The following ZNF181 variants were observed in gnomAD, a reference collection of about 807,000 sequenced individuals.
ZNF181 encodes zinc finger protein 181, also known as zinc finger protein 181 (HHZ181).
A neutral mutation model predicts 11.9 loss-of-function variants in ZNF181; 8 were observed. The ratio of observed to expected loss-of-function variants is 0.67; its 90% CI spans 0.39 to 1.21. The LOEUF is 1.21. Ranked by LOEUF, ZNF181 falls within the 50% of genes most tolerant of loss-of-function variation. ZNF181 has a pLI of 0.01. For missense variants in ZNF181, 542 were observed against 670.9 expected (o/e 0.81, Z 2.12); for synonymous variants, 202 against 221.1 (o/e 0.91, Z 0.77).
At position 34,739,549 on chromosome 19, in the gene ZNF181, G is replaced by A. The variant is rs1205485317; in HGVS notation, c.157G>A (p.Val53Met). 2 of 1,613,956 alleles carry A rather than the reference G, an allele frequency of 1.2e-6. No individual in the cohort carries two copies. The highest frequency in any genetic ancestry group is 2.7e-5 in the African/African-American group (2 of 74,886). The change falls in exon 3 of 4, where the codon GTG becomes ATG. Residue 53 changes from valine (V) to methionine (M), a missense_variant. Val to Met is a conservative substitution (Grantham distance 21). Transcript: ENST00000492450. ...VAGLSVTKPY[V>M]ITLLEDGKEP... Reference sequence around the variant, plus strand: ...AGGTCTTTCTGTAACTAAGCCATATGTGATCACGTTATTGGAGGATGGAAA... The same window carrying A: ...AGGTCTTTCTGTAACTAAGCCATATATGATCACGTTATTGGAGGATGGAAA...
rs1183717457 is a variant in ZNF181, at chr19:34,744,109, T to C, written c.*2012T>C. The C allele has an allele frequency of 3.9e-5, 6 of 152,216 alleles. No individual in the cohort carries two copies. The highest frequency in any genetic ancestry group is 1.3e-4 in the Admixed American group (2 of 15,278). The allele number at this position is 152,216 out of a possible 1,614,324, so 9.4% of individuals were successfully genotyped here. On this transcript the variant is annotated 3_prime_UTR_variant, in exon 4 of 4. Coordinates refer to ENST00000492450, the MANE Select transcript of ZNF181 (RefSeq NM_001029997.4). ...AAAAAGGAACATTATGTTATAGTTA[T>C]GATAATTCTGGTGTGGAATGAGTGA...
At chr19:34,737,507 T>A (rs904229607) in intron 1 of ZNF181, among the ~76,000 whole-genome samples, 1 of 152,230 alleles carries the variant, frequency 6.6e-6, no homozygotes, top group Non-Finnish European at 1.5e-5. Flanking sequence ...TATTGAATAT[T>A]TAAGCTTCCA....
chr19:34,741,921 GAA>G lies in ZNF181; in HGVS notation c.1543_1544del (p.Lys515AlafsTer3). 1 of 1,613,852 alleles carries G rather than the reference GAA, an allele frequency of 6.2e-7. No homozygotes were observed. Among genetic ancestry groups the G allele is most frequent in the Non-Finnish European group, 8.5e-7 (1 of 1,179,884 alleles). On this transcript the variant is annotated frameshift_variant, in exon 4 of 4. Coordinates refer to ENST00000492450, the MANE Select transcript of ZNF181 (RefSeq NM_001029997.4). LOFTEE classifies it low-confidence loss of function (END_TRUNC). Reference protein sequence around the residue: ...LTVHQRIHTGEKPYKCNECGK... With the variant: ...LTVHQRIHTGXKPYKCNECGK... ...CGTACATCAGAGAATTCACACTGGA[GAA>G]AAGCCATATAAATGTAATGAGTGTG...
intron 3 of ZNF181, among the ~76,000 whole-genome samples, chr19:34,739,980 C>T (rs558623310): frequency 6.6e-6 from 1 of 152,244 alleles, no homozygotes; most frequent in African/African-American, 2.4e-5. Context: ...TGGGAAATCA[C>T]TTTTCTAAAG....
Position 34,741,139 on chromosome 19 carries a change from A to T in ZNF181, c.758A>T (p.Asn253Ile). ...GKAFGKQSILNRHWRIHTGEK... is the reference protein window; with the variant it reads ...GKAFGKQSILIRHWRIHTGEK... ...GCCTTTGGCAAACAGTCAATCCTCAATCGCCACTGGAGAATTCATACAGGA... is the reference window on the plus strand; with the variant it reads ...GCCTTTGGCAAACAGTCAATCCTCATTCGCCACTGGAGAATTCATACAGGA... The change falls in exon 4 of 4, where the codon AAT becomes ATT. Residue 253 changes from asparagine (N) to isoleucine (I), a missense_variant. Physicochemically the swap from Asn to Ile is moderately radical, Grantham distance 149. Coordinates refer to ENST00000492450, the MANE Select transcript of ZNF181 (RefSeq NM_001029997.4). 1 of 1,614,088 alleles carries T rather than the reference A, an allele frequency of 6.2e-7. No homozygotes were observed. Among genetic ancestry groups the T allele is most frequent in the Non-Finnish European group, 8.5e-7 (1 of 1,179,966 alleles).
In ZNF181 at chr19:34,744,788, T is replaced by C. The variant is rs993081280; in HGVS notation, c.*2691T>C. The C allele has an allele frequency of 3.9e-5, 6 of 152,208 alleles. No homozygotes were observed. Among genetic ancestry groups the C allele is most frequent in the Non-Finnish European group, 8.8e-5 (6 of 68,032 alleles). 9.4% of individuals were successfully genotyped at this position (152,208 alleles called of 1,614,324 possible). A position where few individuals can be genotyped will look rare whatever the true frequency, so the allele number is the denominator to read the frequency against. On this transcript the variant is annotated 3_prime_UTR_variant, in exon 4 of 4. Coordinates refer to ENST00000492450, the MANE Select transcript of ZNF181 (RefSeq NM_001029997.4). ...CTTTCTTTTCTCTCATTCTGTGTCC[T>C]TTCTCTGCTCTCCCAAGCAACTGGT...
rs555287729 is a variant in ZNF181 at position 34,743,022 on chromosome 19, A to G, written c.*925A>G. 37 of 152,314 alleles carry G rather than the reference A, an allele frequency of 2.4e-4. No individual in the cohort carries two copies. The highest frequency in any genetic ancestry group is 8.7e-4 in the African/African-American group (36 of 41,568). The allele number at this position is 152,314 out of a possible 1,614,324, so 9.4% of individuals were successfully genotyped here. A position where few individuals can be genotyped will look rare whatever the true frequency, so the allele number is the denominator to read the frequency against. The stretch of plus-strand genomic sequence containing the variant: ...TTTTGATGAGGATTATTCAGAGTCA[A>G]TTTCCAGTAGGCTTAATCAAATACA... On this transcript the variant is annotated 3_prime_UTR_variant, in exon 4 of 4. Coordinates refer to ENST00000492450, the MANE Select transcript of ZNF181 (RefSeq NM_001029997.4).
Position 34,744,334 on chromosome 19 carries a change from C to A in ZNF181, c.*2237C>A, listed in dbSNP as rs2069015720. 6.6e-6 allele frequency: 1 copy of A among 151,990 alleles called. No individual in the cohort carries two copies. The highest frequency in any genetic ancestry group is 6.6e-5 in the Admixed American group (1 of 15,266). 9.4% of individuals were successfully genotyped at this position (151,990 alleles called of 1,614,324 possible). A position where few individuals can be genotyped will look rare whatever the true frequency, so the allele number is the denominator to read the frequency against. ...TAATCATGAAATTTATATTGAAATT[C>A]TGTGAAACATTGAAGGATCTTTGGA... On this transcript the variant is annotated 3_prime_UTR_variant, in exon 4 of 4. Coordinates refer to ENST00000492450, the MANE Select transcript of ZNF181 (RefSeq NM_001029997.4).
intron 1 of ZNF181, among the ~76,000 whole-genome samples, chr19:34,737,207 T>C (rs929851762): frequency 6.6e-5 from 10 of 152,242 alleles, no homozygotes; most frequent in African/African-American, 2.2e-4. Context: ...TGTGTTCTTT[T>C]TTTCTACATT....
At chr19:34,735,526 A>T (rs1239197833) in intron 1 of ZNF181, among the ~76,000 whole-genome samples, 1 of 152,144 alleles carries the variant, frequency 6.6e-6, no homozygotes, top group African/African-American at 2.4e-5. Context: ...CAATAAAGCC[A>T]CCTGGATTAT....
Position 34,741,938 on chromosome 19 carries a change from T to C in ZNF181, c.1557T>C (p.Cys519=), listed in dbSNP as rs751576087. 16 of 1,613,772 alleles carry C rather than the reference T, an allele frequency of 9.9e-6. No homozygotes were observed. In the East Asian group the frequency reaches 3.3e-4, roughly 34 times the overall value. ...RIHTGEKPYK[C]NECGKAFSKG... ...ACACTGGAGAAAAGCCATATAAATG[T>C]AATGAGTGTGGGAAAGCTTTTAGCA... Residue 519 remains cysteine (C), a synonymous_variant, in exon 4 of 4, where the codon TGT becomes TGC. Transcript: ENST00000492450.
rs1246727266 is a variant in ZNF181, at chr19:34,740,920, G to T, written c.539G>T (p.Gly180Val). 4 of 1,613,832 alleles carry T rather than the reference G, an allele frequency of 2.5e-6. No individual in the cohort carries two copies. The South Asian group carries it at 3.3e-5, about 13-fold the overall frequency. Residue 180 changes from glycine (G) to valine (V), a missense_variant, in exon 4 of 4, where the codon GGG (glycine) becomes GTG (valine). Coordinates refer to ENST00000492450, the MANE Select transcript of ZNF181 (RefSeq NM_001029997.4). ...LSEPQKISAE[G>V]NSHKYDILKK... is the part of the protein sequence containing the mutation. ...GAACCACAAAAAATTTCTGCTGAAGGGAATTCACACAAATATGATATATTA... is the reference window on the plus strand; with the variant it reads ...GAACCACAAAAAATTTCTGCTGAAGTGAATTCACACAAATATGATATATTA...
At position 34,739,621 on chromosome 19, in the gene ZNF181, G is replaced by A. The variant is rs543606766; in HGVS notation, c.229G>A (p.Asp77Asn). Residue 77 changes from aspartate (D) to asparagine (N), a missense_variant and splice_region_variant, in exon 3 of 4, where the codon GAT (aspartate) becomes AAT (asparagine). By Grantham distance (23) the Asp-to-Asn change is conservative. Transcript: ENST00000492450. ...AAAACTGTCAAAAGGTATGATTCCA[G>A]GTGAGTCATGGTGAACGAGACAAAG... is the stretch of plus-strand genomic sequence containing the variant. ...EKKLSKGMIP[D>N]WESRWENKEL... 1 of 1,613,890 alleles carries A rather than the reference G, an allele frequency of 6.2e-7. No individual in the cohort carries two copies. Among genetic ancestry groups the A allele is most frequent in the Non-Finnish European group, 8.5e-7 (1 of 1,179,916 alleles).
At position 34,742,117 on chromosome 19, in the gene ZNF181, A is replaced by C. The variant is rs2068990064; in HGVS notation, c.*20A>C. Reference sequence around the variant, plus strand: ...GTATGAAGCAGTGGTTATCATGGTAAATTTCCTAGATTCTCCCTTATTTAA... The same window carrying C: ...GTATGAAGCAGTGGTTATCATGGTACATTTCCTAGATTCTCCCTTATTTAA... On this transcript the variant is annotated 3_prime_UTR_variant, in exon 4 of 4. Coordinates refer to ENST00000492450, the MANE Select transcript of ZNF181 (RefSeq NM_001029997.4). 2 of 1,516,110 alleles carry C rather than the reference A, an allele frequency of 1.3e-6. No individual in the cohort carries two copies. The highest frequency in any genetic ancestry group is 1.8e-6 in the Non-Finnish European group (2 of 1,134,532). 93.9% of individuals were successfully genotyped at this position (1,516,110 alleles called of 1,614,324 possible).
intron 3 of ZNF181, 106 bp from the exon 4 acceptor site, chr19:34,740,505 T>C: frequency 8.8e-7 from 1 of 1,133,086 alleles, no homozygotes; most frequent in South Asian, 1.6e-5. Context: ...ATGTGTTTTC[T>C]GGGGGCTTCA....
chr19:34,734,514 G>A lies in ZNF181; in HGVS notation c.-524G>A, dbSNP rs1278169074. 2 of 153,934 alleles carry A rather than the reference G, an allele frequency of 1.3e-5. No homozygotes were observed. Among genetic ancestry groups the A allele is most frequent in the Admixed American group, 6.4e-5 (1 of 15,690 alleles). The allele number at this position is 153,934 out of a possible 1,614,324, so 9.5% of individuals were successfully genotyped here. ...GTAAACGCGGGGTGATGACGGCGCC[G>A]ACCTCTTGGCGCTGTTGTGAGAGTG... is the stretch of plus-strand genomic sequence containing the variant. On this transcript the variant is annotated 5_prime_UTR_variant, in exon 1 of 4. Coordinates refer to ENST00000492450, the MANE Select transcript of ZNF181 (RefSeq NM_001029997.4).
intron 1 of ZNF181, among the ~76,000 whole-genome samples, chr19:34,736,688 T>TAG (rs879806504): frequency 0.015 from 2,292 of 152,336 alleles, 41 homozygotes; most frequent in South Asian, 0.078. Context: ...ATTTTAAACT[T>TAG]TACTTATTTT....
intron 1 of ZNF181, among the ~76,000 whole-genome samples, chr19:34,738,517 A>G (rs1401487524): frequency 6.6e-6 from 1 of 151,698 alleles, no homozygotes; most frequent in Non-Finnish European, 1.5e-5. Flanking sequence ...TATGTCTATT[A>G]GTCTTTAATA....
chr19:34,735,076 A>G, intron 1 of ZNF181, 30 bp downstream of exon 1: 2 of 1,565,184 alleles, frequency 1.3e-6, no homozygotes, highest in Non-Finnish European at 1.7e-6. Context: ...AATCTTCCTG[A>G]AACACTTTAT....
Sources: allele counts gnomAD v4.1 joint callset (sites outside exome capture counted in the v4.1 genomes callset), GRCh38; gene constraint gnomAD v4.1.1; transcripts MANE v1.5; gene names NCBI Gene and HGNC (gene_info 2026-07-23, HGNC 2026-07-21).